Variants in DLC1 observed in about 807,000 individuals in gnomAD.
The protein encoded by DLC1 is rho GTPase-activating protein 7.
Under a neutral mutation model 140.3 loss-of-function variants are expected in DLC1, and 54 were observed. The observed-to-expected ratio is 0.38, with a 90% CI of 0.31 to 0.48. DLC1 has a LOEUF of 0.48. DLC1 is among the 20% of genes least tolerant of loss of function. The pLI is 0.96. For missense variants in DLC1, 2,536 were observed against 1,907.0 expected, an observed-to-expected ratio of 1.33 and a Z score of -6.14; for synonymous variants, 986 against 728.1, an observed-to-expected ratio of 1.35 and a Z score of -5.70.
chr8:13,592,458 C>G (rs1805546657), intron 1 of DLC1, among the ~76,000 whole-genome samples: 2 of 151,888 alleles, frequency 1.3e-5, no homozygotes, highest in East Asian at 3.9e-4. Flanking sequence ...TTCTATATAG[C>G]TTATTAACTT....
chr8:13,145,606 C>T (rs1823374694), intron 5 of DLC1, among the ~76,000 whole-genome samples: 2 of 152,114 alleles, frequency 1.3e-5, no homozygotes, highest in South Asian at 4.1e-4. Context: ...TTAGGAAAAA[C>T]TGGAAATAAT....
At chr8:13,120,336 C>G (rs1346688505) in intron 5 of DLC1, among the ~76,000 whole-genome samples, 1 of 15,694 alleles carries the variant, frequency 6.4e-5, no homozygotes, top group African/African-American at 1.2e-4. Context: ...GAAAGAGACT[C>G]CGTCGCAAAA....
intron 2 of DLC1, among the ~76,000 whole-genome samples, chr8:13,483,449 G>A (rs901059454): frequency 6.6e-6 from 1 of 152,174 alleles, no homozygotes; most frequent in African/African-American, 2.4e-5. Flanking sequence ...GTACTTGCAG[G>A]ATGCACAGAG....
At chr8:13,105,744 A>C (rs1819513339) in intron 7 of DLC1, among the ~76,000 whole-genome samples, 1 of 151,734 alleles carries the variant, frequency 6.6e-6, no homozygotes, top group Non-Finnish European at 1.5e-5. Flanking sequence ...GGCCCAGCTA[A>C]TTTTTTGTAT....
chr8:13,552,198 G>C (rs1371233616), intron 1 of DLC1, among the ~76,000 whole-genome samples: 3 of 127,212 alleles, frequency 2.4e-5, no homozygotes, highest in African/African-American at 5.8e-5. Context: ...TACCTGTCTA[G>C]AGGTGTATAT....
intron 5 of DLC1, among the ~76,000 whole-genome samples, chr8:13,208,724 C>G (rs1827790778): frequency 7.6e-6 from 1 of 131,036 alleles, no homozygotes; most frequent in Non-Finnish European, 1.6e-5. Context: ...GAAACACACA[C>G]CACACACACA....
intron 4 of DLC1, among the ~76,000 whole-genome samples, chr8:13,321,470 A>G (rs371211407): frequency 2.1e-5 from 3 of 143,954 alleles, no homozygotes; most frequent in East Asian, 4.5e-4. Flanking sequence ...CCCAGGAGGC[A>G]GAAGTTGCAG....
intron 2 of DLC1, among the ~76,000 whole-genome samples, chr8:13,491,516 T>A (rs1801240531): frequency 6.6e-6 from 1 of 152,216 alleles, no homozygotes; most frequent in Admixed American, 6.5e-5. Context: ...CGTGAATGGA[T>A]ATTCTAACAG....
chr8:13,540,780 A>T (rs2117330622), intron 1 of DLC1, among the ~76,000 whole-genome samples: 1 of 152,300 alleles, frequency 6.6e-6, no homozygotes, highest in East Asian at 1.9e-4. Flanking sequence ...TCATCTGGGG[A>T]TTTGTTCAAG....
At chr8:13,145,363 A>T (rs977778403) in intron 5 of DLC1, among the ~76,000 whole-genome samples, 1 of 152,240 alleles carries the variant, frequency 6.6e-6, no homozygotes, top group Non-Finnish European at 1.5e-5. Flanking sequence ...ACATACAGTG[A>T]ATAAACGTAT....
intron 1 of DLC1, among the ~76,000 whole-genome samples, chr8:13,511,905 C>A (rs1055963349): frequency 6.6e-6 from 1 of 152,000 alleles, no homozygotes; most frequent in Non-Finnish European, 1.5e-5. Flanking sequence ...CAATTTTTGA[C>A]CTATTTTAAG....
intron 1 of DLC1, among the ~76,000 whole-genome samples, chr8:13,539,113 C>G (rs1015900475): frequency 6.6e-6 from 1 of 152,036 alleles, no homozygotes; most frequent in African/African-American, 2.4e-5. Context: ...TGGTCATAAT[C>G]ACTTTTTATC....
chr8:13,251,674 G>A (rs1830011644), intron 5 of DLC1, among the ~76,000 whole-genome samples: 1 of 151,988 alleles, frequency 6.6e-6, no homozygotes, highest in African/African-American at 2.4e-5. Flanking sequence ...TGGGGTCATG[G>A]AAATAAAAAT....
chr8:13,305,065 T>C (rs926319685), intron 5 of DLC1: 9 of 1,233,986 alleles, frequency 7.3e-6, no homozygotes, highest in South Asian at 3.1e-5. Flanking sequence ...TATCTTATTC[T>C]AACACAATGT....
At chr8:13,100,863 G>A (rs1288525110) in intron 8 of DLC1, 93 bp from the exon 9 acceptor site, 1 of 1,183,074 alleles carries the variant, frequency 8.5e-7, no homozygotes, top group African/African-American at 1.6e-5. Flanking sequence ...TATGCCAGTA[G>A]TATCAATTTC....
At chr8:13,248,429 A>G (rs747852316) in intron 5 of DLC1, among the ~76,000 whole-genome samples, 16 of 151,688 alleles carry the variant, frequency 1.1e-4, no homozygotes, top group Non-Finnish European at 2.4e-4. Flanking sequence ...CTGTTTCCCA[A>G]TCCTTATTCT....
At chr8:13,512,333 G>A (rs1410409807) in intron 1 of DLC1, among the ~76,000 whole-genome samples, 1 of 152,070 alleles carries the variant, frequency 6.6e-6, no homozygotes, top group Non-Finnish European at 1.5e-5. Context: ...TGTCTGAGAA[G>A]GTATACTGCT....
At chr8:13,398,398 T>G (rs1044515042) in intron 3 of DLC1, among the ~76,000 whole-genome samples, 5 of 152,074 alleles carry the variant, frequency 3.3e-5, no homozygotes, top group African/African-American at 1.2e-4. Flanking sequence ...GGTGAGAGAC[T>G]GCACTGGCAC....
chr8:13,283,675 T>TA (rs1444063177), intron 5 of DLC1, among the ~76,000 whole-genome samples: 6 of 152,124 alleles, frequency 3.9e-5, no homozygotes, highest in Non-Finnish European at 8.8e-5. Flanking sequence ...CCACTATGCC[T>TA]GGCTTATTTT....
Sources: gnomAD v4.1 joint callset for allele counts (sites outside exome capture counted in the v4.1 genomes callset) on GRCh38, gnomAD v4.1.1 for gene constraint, MANE v1.5 for transcripts, NCBI Gene and HGNC (gene_info 2026-07-23, HGNC 2026-07-21) for gene names.